The following PKDCC variants were observed in gnomAD, a reference collection of about 807,000 sequenced individuals.
PKDCC encodes the protein protein kinase domain containing, cytoplasmic.
PKDCC carries 35 observed loss-of-function variants against 44.7 expected under a neutral mutation model. The observed-to-expected ratio is 0.78, with a 90% confidence interval of 0.60 to 1.04. PKDCC has a LOEUF of 1.04. Ranked by LOEUF, PKDCC falls within the 50% of genes least tolerant of loss-of-function variation. PKDCC has a pLI of 0.00. For synonymous variants in PKDCC, 353 were observed against 303.3 expected, an observed-to-expected ratio of 1.16 and a Z score of -1.70; for missense variants, 738 against 672.7, an observed-to-expected ratio of 1.10 and a Z score of -1.07.
rs1361506019 is a variant in PKDCC at position 42,051,366 on chromosome 2, C to T, written c.640-1873C>T. Among the ~76,000 whole-genome samples the T allele has an allele frequency of 1.2e-5, 1 of 83,388 alleles. No individual in the cohort carries two copies. Among genetic ancestry groups the T allele is most frequent in the Non-Finnish European group, 2.6e-5 (1 of 39,056 alleles). The allele number at this position is 83,388 out of a possible 152,430, so 54.7% of individuals were successfully genotyped here. ...CCCCTCCCCCAGTCATCCTGGGGCC[C>T]CCAGGCCTTGGATGGGCCCCCAGGC... On this transcript the variant is annotated intron_variant, in intron 1 of 6. Coordinates refer to ENST00000294964, the MANE Select transcript of PKDCC (RefSeq NM_138370.3). The surrounding 1 kb of genome is among the most constrained non-coding windows in gnomAD (Gnocchi z 4.2).
In PKDCC at chr2:42,054,170, A is replaced by T. The variant is rs371936847; in HGVS notation, c.897A>T (p.Ala299=). 1.9e-5 allele frequency: 31 copies of T among 1,612,308 alleles called. No individual in the cohort carries two copies. The highest frequency in any genetic ancestry group is 1.5e-5 in the Non-Finnish European group (18 of 1,179,334). The change falls in exon 3 of 7, where the codon GCA becomes GCT. Residue 299 remains alanine, a synonymous_variant. Transcript: ENST00000294964. This position sits in a 1 kb window ranked among gnomAD's most constrained non-coding sequence, Gnocchi z 6.1. ...GELKVTDLDD[A]RVEETPCAGS... is the part of the protein sequence containing the mutation. ...TCAAAGTGACGGACCTGGATGACGC[A>T]CGTGTGGAGGAGACGCCGTGTGCAG...
chr2:42,053,963 A>T (rs1206796439), intron 2 of PKDCC, 73 bp from the exon 3 acceptor site: 14 of 1,539,092 alleles, frequency 9.1e-6, no homozygotes, highest in Non-Finnish European at 1.1e-5. Context: ...TTCCAAGAGG[A>T]GGGTGCCCTC....
rs377686010 is a variant in PKDCC at position 42,054,126 on chromosome 2, G to T, written c.853G>T (p.Val285Leu). ...GCTGGACTTCCGCCCTCGGCAGTTT[G>T]TGCTGGTGGATGGGGAGCTCAAAGT... ...TLLDFRPRQF[V>L]LVDGELKVTD... Residue 285 changes from valine (V) to leucine (L), a missense_variant, in exon 3 of 7, where the codon GTG becomes TTG. Transcript: ENST00000294964. This position sits in a 1 kb window ranked among gnomAD's most constrained non-coding sequence, Gnocchi z 6.1. The T allele has an allele frequency of 3.7e-6, 6 of 1,613,330 alleles. No individual in the cohort carries two copies. The highest frequency in any genetic ancestry group is 5.1e-6 in the Non-Finnish European group (6 of 1,179,848).
Position 42,051,196 on chromosome 2 carries a change from C to T in PKDCC, c.640-2043C>T, listed in dbSNP as rs182328596. ...TCTCTGGTCATGGGGATTGCCTGGG[C>T]GAGATCTTTCTATCCATTTTCTTTG... On this transcript the variant is annotated intron_variant, in intron 1 of 6. Coordinates refer to ENST00000294964, the MANE Select transcript of PKDCC (RefSeq NM_138370.3). The surrounding 1 kb of genome is among the most constrained non-coding windows in gnomAD (Gnocchi z 4.2). 3.1e-3 allele frequency among the ~76,000 whole-genome samples: 470 copies of T among 152,148 alleles called. No homozygotes were observed. Among genetic ancestry groups the T allele is most frequent in the Middle Eastern group, 0.01 (3 of 294 alleles).
At position 42,054,328 on chromosome 2, in the gene PKDCC, G is replaced by T; in HGVS notation, c.1034+21G>T. The T allele has an allele frequency of 6.3e-7, 1 of 1,583,130 alleles. No individual in the cohort carries two copies. The highest frequency in any genetic ancestry group is 2.3e-5 in the East Asian group (1 of 43,758). On this transcript the variant is annotated intron_variant, in intron 3 of 6. Coordinates refer to ENST00000294964, the MANE Select transcript of PKDCC (RefSeq NM_138370.3). The surrounding 1 kb of genome is among the most constrained non-coding windows in gnomAD (Gnocchi z 6.1). ...TACAGGTGACCTCCACCCCTGACTC[G>T]GGAACTCCATCGAAGGAGAATGGGC...
At chr2:42,050,538 T>A (rs538467150) in intron 1 of PKDCC, among the ~76,000 whole-genome samples, 4 of 152,070 alleles carry the variant, frequency 2.6e-5, no homozygotes, top group African/African-American at 9.7e-5. Context: ...GCCCCACATA[T>A]ATATCACGTG....
rs11902166 is a variant in PKDCC, at chr2:42,055,689, C to A, written c.1222+296C>A. On this transcript the variant is annotated intron_variant, in intron 5 of 6. Transcript: ENST00000294964. The surrounding 1 kb of genome is among the most constrained non-coding windows in gnomAD (Gnocchi z 4.5). Reference sequence around the variant, plus strand: ...TGGCTATATGACTTTGAGCAAGTTACCCCTTGAACCTCACTTTCCTCATCT... The same window carrying A: ...TGGCTATATGACTTTGAGCAAGTTAACCCTTGAACCTCACTTTCCTCATCT... The A allele has an allele frequency of 0.22, 68,062 of 316,254 alleles. 8,042 individuals are homozygous for A. The highest frequency in any genetic ancestry group is 0.3 in the Middle Eastern group (337 of 1,132). 19.6% of individuals were successfully genotyped at this position (316,254 alleles called of 1,614,324 possible).
At chr2:42,057,109 C>T in intron 5 of PKDCC, 112 bp from the exon 6 acceptor site, 1 of 1,297,982 alleles carries the variant, frequency 7.7e-7, no homozygotes, top group Non-Finnish European at 1.1e-6. Context: ...GGCTGGACTT[C>T]AGCTTTCACC....
rs1023670709 is a variant in PKDCC at position 42,048,479 on chromosome 2, G to A, written c.280G>A (p.Gly94Arg). ...GCGCCTGATGGACCTGGCTCCGGGCGGGCCCGGCCTGCCGCGCCCCCGGCC... is the reference window on the plus strand; with the variant it reads ...GCGCCTGATGGACCTGGCTCCGGGCAGGCCCGGCCTGCCGCGCCCCCGGCC... ...RRRLMDLAPG[G>R]PGLPRPRPPW... The change falls in exon 1 of 7, where the codon GGG becomes AGG. Residue 94 changes from glycine (G) to arginine (R), a missense_variant. Coordinates refer to ENST00000294964, the MANE Select transcript of PKDCC (RefSeq NM_138370.3). The surrounding 1 kb of genome is among the most constrained non-coding windows in gnomAD (Gnocchi z 6.2). 40 of 1,042,338 alleles carry A rather than the reference G, an allele frequency of 3.8e-5. No homozygotes were observed. The highest frequency in any genetic ancestry group is 4.4e-4 in the Middle Eastern group (1 of 2,264). The allele number at this position is 1,042,338 out of a possible 1,614,324, so 64.6% of individuals were successfully genotyped here.
In PKDCC at chr2:42,051,673, G is replaced by T. The variant is rs928113054; in HGVS notation, c.640-1566G>T. Among the ~76,000 whole-genome samples, 3 of 152,108 alleles carry T rather than the reference G, an allele frequency of 2.0e-5. No homozygotes were observed. The highest frequency in any genetic ancestry group is 4.4e-5 in the Non-Finnish European group (3 of 68,002). ...CCTTACCTTCCCCCCACCCCACCAG[G>T]GTCTGGGGCTTCCCTGGACTGATGG... is the stretch of plus-strand genomic sequence containing the variant. On this transcript the variant is annotated intron_variant, in intron 1 of 6. Transcript: ENST00000294964. This position sits in a 1 kb window ranked among gnomAD's most constrained non-coding sequence, Gnocchi z 4.2.
Position 42,055,220 on chromosome 2 carries a change from G to T in PKDCC, c.1115-66G>T. The T allele has an allele frequency of 6.9e-7, 1 of 1,459,474 alleles. No homozygotes were observed. 90.4% of individuals were successfully genotyped at this position (1,459,474 alleles called of 1,614,324 possible). A position where few individuals can be genotyped will look rare whatever the true frequency, so the allele number is the denominator to read the frequency against. ...TCTGGAGGCAGAGGTGGGAGCAGCTGGCTGCTGACTTCAGGGAGGAGTGGG... is the reference window on the plus strand; with the variant it reads ...TCTGGAGGCAGAGGTGGGAGCAGCTTGCTGCTGACTTCAGGGAGGAGTGGG... On this transcript the variant is annotated intron_variant, in intron 4 of 6. Transcript: ENST00000294964. The surrounding 1 kb of genome is among the most constrained non-coding windows in gnomAD (Gnocchi z 4.5).
rs1022397235 is a variant in PKDCC at position 42,054,738 on chromosome 2, G to T, written c.1035-203G>T. On this transcript the variant is annotated intron_variant, in intron 3 of 6. Coordinates refer to ENST00000294964, the MANE Select transcript of PKDCC (RefSeq NM_138370.3). The surrounding 1 kb of genome is among the most constrained non-coding windows in gnomAD (Gnocchi z 6.1). ...GTTGGGAAGCAGGCCCCTGGTTTCG[G>T]TTAGTATGAAGTTAGGTGTGGTGTT... is the stretch of plus-strand genomic sequence containing the variant. 1 of 633,382 alleles carries T rather than the reference G, an allele frequency of 1.6e-6. No homozygotes were observed. Among genetic ancestry groups the T allele is most frequent in the Non-Finnish European group, 2.8e-6 (1 of 354,688 alleles). The allele number at this position is 633,382 out of a possible 1,614,324, so 39.2% of individuals were successfully genotyped here. A position where few individuals can be genotyped will look rare whatever the true frequency, so the allele number is the denominator to read the frequency against.
intron 1 of PKDCC, among the ~76,000 whole-genome samples, chr2:42,049,777 TC>T (rs923506911): frequency 2.0e-5 from 3 of 151,988 alleles, no homozygotes; most frequent in Non-Finnish European, 4.4e-5. Context: ...CTCTCAGGTC[TC>T]CCCCCATCCT....
At chr2:42,050,601 G>GA (rs1191398861) in intron 1 of PKDCC, among the ~76,000 whole-genome samples, 1 of 152,094 alleles carries the variant, frequency 6.6e-6, no homozygotes, top group Non-Finnish European at 1.5e-5. Flanking sequence ...AGGCACCAAA[G>GA]AAAAAATTAC....
Position 42,052,039 on chromosome 2 carries a change from C to T in PKDCC, c.640-1200C>T, listed in dbSNP as rs1004524637. 2.6e-5 allele frequency among the ~76,000 whole-genome samples: 4 copies of T among 152,028 alleles called. No individual in the cohort carries two copies. Among genetic ancestry groups the T allele is most frequent in the African/African-American group, 9.7e-5 (4 of 41,368 alleles). On this transcript the variant is annotated intron_variant, in intron 1 of 6. Coordinates refer to ENST00000294964, the MANE Select transcript of PKDCC (RefSeq NM_138370.3). The surrounding 1 kb of genome is among the most constrained non-coding windows in gnomAD (Gnocchi z 4.3). Reference sequence around the variant, plus strand: ...CTGCTGTGGAGTATGTTGGAAGAGCCAGGGGGATGCCTGTGGGTGCTGTTA... The same window carrying T: ...CTGCTGTGGAGTATGTTGGAAGAGCTAGGGGGATGCCTGTGGGTGCTGTTA...
chr2:42,048,196 A>T lies in PKDCC; in HGVS notation c.-4A>T. ...GGGGCCGGCCGGCCGGGGGGAGGGGAGCGATGCGGCGCCGGCGGGCGGCAG... is the reference window on the plus strand; with the variant it reads ...GGGGCCGGCCGGCCGGGGGGAGGGGTGCGATGCGGCGCCGGCGGGCGGCAG... On this transcript the variant is annotated 5_prime_UTR_variant, in exon 1 of 7. Transcript: ENST00000294964. This position sits in a 1 kb window ranked among gnomAD's most constrained non-coding sequence, Gnocchi z 6.2. The T allele has an allele frequency of 8.8e-7, 1 of 1,142,444 alleles. No homozygotes were observed. Among genetic ancestry groups the T allele is most frequent in the Non-Finnish European group, 1.1e-6 (1 of 930,190 alleles). The allele number at this position is 1,142,444 out of a possible 1,614,324, so 70.8% of individuals were successfully genotyped here.
rs1572761460 is a variant in PKDCC at position 42,053,579 on chromosome 2, T to C, written c.762+218T>C. 6 of 620,998 alleles carry C rather than the reference T, an allele frequency of 9.7e-6. No individual in the cohort carries two copies. In the East Asian group the frequency reaches 1.7e-4, roughly 18 times the overall value. The allele number at this position is 620,998 out of a possible 1,614,324, so 38.5% of individuals were successfully genotyped here. A position where few individuals can be genotyped will look rare whatever the true frequency, so the allele number is the denominator to read the frequency against. ...TGCTCTTGCCCTCCTCACCCCTCCT[T>C]GTGCGCGTGTACACACCAGCTTGTG... On this transcript the variant is annotated intron_variant, in intron 2 of 6. Transcript: ENST00000294964.
chr2:42,049,088 A>G (rs1158659107), intron 1 of PKDCC, among the ~76,000 whole-genome samples: 1 of 152,108 alleles, frequency 6.6e-6, no homozygotes, highest in Non-Finnish European at 1.5e-5. Flanking sequence ...GCCAGGACAG[A>G]GGCTCCCAAA....
At position 42,052,076 on chromosome 2, in the gene PKDCC, A is replaced by G. The variant is rs1215410246; in HGVS notation, c.640-1163A>G. ...TGTGGGTGCTGTTAAGGTGGTAGTG[A>G]CACTCAGGCTTTGCTTCCCAGAAGT... On this transcript the variant is annotated intron_variant, in intron 1 of 6. Transcript: ENST00000294964. This position sits in a 1 kb window ranked among gnomAD's most constrained non-coding sequence, Gnocchi z 4.3. 6.6e-6 allele frequency among the ~76,000 whole-genome samples: 1 copy of G among 152,032 alleles called. No individual in the cohort carries two copies. Among genetic ancestry groups the G allele is most frequent in the African/African-American group, 2.4e-5 (1 of 41,356 alleles).
Sources: allele counts gnomAD v4.1 joint callset (sites outside exome capture counted in the v4.1 genomes callset), GRCh38; gene constraint gnomAD v4.1.1; non-coding constraint Gnocchi (gnomAD v3.1); transcripts MANE v1.5; gene names NCBI Gene and HGNC (gene_info 2026-07-23, HGNC 2026-07-21).